Variants in ZNF185 observed in about 807,000 individuals in gnomAD.
ZNF185 encodes the protein zinc finger protein 185 with LIM domain.
A neutral mutation model predicts 58.6 loss-of-function variants in ZNF185; 56 were observed. The ratio of observed to expected loss-of-function variants is 0.95; its 90% confidence interval spans 0.77 to 1.19. ZNF185 has a LOEUF of 1.19. Among genes scored for constraint, ZNF185 ranks in the 50% most tolerant of loss-of-function variants. ZNF185 has a pLI of 0.00. For synonymous variants in ZNF185, 230 were observed against 215.9 expected, an observed-to-expected ratio of 1.07 and a Z score of -0.57; for missense variants, 627 against 573.5, an observed-to-expected ratio of 1.09 and a Z score of -0.95.
intron 16 of ZNF185, among the ~76,000 whole-genome samples, chrX:152,952,016 G>A (rs1407622730): frequency 2.7e-5 from 3 of 112,143 alleles, no homozygotes; most frequent in Non-Finnish European, 5.6e-5. Flanking sequence ...AAGTTTGCCA[G>A]AATAATGACT....
At chrX:152,965,386 C>G in intron 18 of ZNF185, 61 bp from the exon 21 acceptor site, 5 of 1,081,211 alleles carry the variant, frequency 4.6e-6, no homozygotes, top group Non-Finnish European at 1.3e-6. Flanking sequence ...TCCTGTGGGC[C>G]AGGCCTGGTT....
chrX:152,948,141 C>T (rs890054939), intron 16 of ZNF185, among the ~76,000 whole-genome samples: 2 of 111,882 alleles, frequency 1.8e-5, no homozygotes, highest in Admixed American at 9.5e-5. Flanking sequence ...GCTGAGCTAA[C>T]TTTCCAGTGC....
At chrX:152,925,077 G>A (rs1343180258) in intron 11 of ZNF185, among the ~76,000 whole-genome samples, 2 of 112,628 alleles carry the variant, frequency 1.8e-5, no homozygotes, top group Non-Finnish European at 3.8e-5. Context: ...AGGATGGCTT[G>A]AAGCCAGGAG....
At chrX:152,913,820 T>A (rs998220664), upstream of ZNF185, among the ~76,000 whole-genome samples, 1 of 112,221 alleles carries the variant, frequency 8.9e-6, no homozygotes, top group African/African-American at 3.2e-5. Flanking sequence ...CGGGTACTTA[T>A]AGGAGCATCG....
chrX:152,965,858 C>G (rs1556914326), intron 19 of ZNF185, among the ~76,000 whole-genome samples: 3 of 110,339 alleles, frequency 2.7e-5, no homozygotes, highest in African/African-American at 9.9e-5. Flanking sequence ...ACTAGCTCAT[C>G]CTATTTCTTT....
intron 14 of ZNF185, chrX:152,936,494 C>T: frequency 8.6e-7 from 1 of 1,166,291 alleles, no homozygotes; most frequent in South Asian, 1.9e-5. Flanking sequence ...GTCCTGCAAG[C>T]CTAGACCAGC....
intron 12 of ZNF185, 116 bp from the exon 14 acceptor site, chrX:152,931,556 C>T: frequency 1.7e-6 from 1 of 583,377 alleles, no homozygotes; most frequent in Non-Finnish European, 2.6e-6. Context: ...CTGCACCCGG[C>T]CCAGTAGCAG....
intron 5 of ZNF185, 110 bp from the exon 7 acceptor site, chrX:152,917,955 G>T (rs890345934): frequency 3.4e-4 from 379 of 1,127,279 alleles, no homozygotes; most frequent in Non-Finnish European, 4.2e-4. Context: ...AAGAGGAAAG[G>T]CTCCCAGGCA....
intron 14 of ZNF185, among the ~76,000 whole-genome samples, chrX:152,935,523 A>G (rs979619051): frequency 2.7e-5 from 3 of 112,727 alleles, no homozygotes; most frequent in East Asian, 2.8e-4. Flanking sequence ...GGCGTGAGCC[A>G]TCGCGTCCTG....
At chrX:152,953,149 C>G (rs2048461062) in intron 16 of ZNF185, among the ~76,000 whole-genome samples, 1 of 111,219 alleles carries the variant, frequency 9.0e-6, no homozygotes, top group Non-Finnish European at 1.9e-5. Context: ...ACAAAAGAGC[C>G]AGGAATTTGG....
intron 20 of ZNF185, among the ~76,000 whole-genome samples, chrX:152,968,507 G>T (rs1189909479): frequency 1.8e-5 from 2 of 112,651 alleles, no homozygotes; most frequent in Non-Finnish European, 3.8e-5. Context: ...GGTGCTGCTG[G>T]TGGTGAAAGA....
chrX:152,941,768 G>T, intron 15 of ZNF185: 2 of 1,163,168 alleles, frequency 1.7e-6, no homozygotes, highest in East Asian at 3.3e-5. Context: ...TGCCCGTGCC[G>T]GCCGCCAGAG....
chrX:152,919,115 G>A (rs781897238), intron 7 of ZNF185, 34 bp downstream of exon 8: 17 of 1,101,035 alleles, frequency 1.5e-5, no homozygotes, highest in Non-Finnish European at 2.1e-5. Context: ...CATCCCGGGG[G>A]GCAGGGCAGG....
chrX:152,907,742 T>C, the ZNF185 span, among the ~76,000 whole-genome samples: 1 of 112,830 alleles, frequency 8.9e-6, no homozygotes, highest in Non-Finnish European at 1.9e-5. Context: ...AGGGGTACTG[T>C]GGAGTGTGGC....
At chrX:152,925,143 A>T (rs964763041) in intron 11 of ZNF185, among the ~76,000 whole-genome samples, 3 of 112,115 alleles carry the variant, frequency 2.7e-5, no homozygotes, top group Non-Finnish European at 3.8e-5. Flanking sequence ...AAAATAAAAA[A>T]TAAAAATTAA....
chrX:152,936,325 C>G (rs1490195412), intron 14 of ZNF185, 93 bp from the exon 16 acceptor site: 3 of 739,605 alleles, frequency 4.1e-6, no homozygotes, highest in Non-Finnish European at 6.0e-6. Flanking sequence ...TGGTCCTCAT[C>G]ATCTGTGGGG....
At chrX:152,903,388 C>CAAAAAAA in the ZNF185 span, among the ~76,000 whole-genome samples, 19 of 35,854 alleles carry the variant, frequency 5.3e-4, no homozygotes, top group African/African-American at 1.7e-3. Flanking sequence ...AGACTCGTCT[C>CAAAAAAA]AAAAAAAAAA....
chrX:152,973,478 G>A lies in ZNF185; in HGVS notation c.*2205G>A, dbSNP rs2050764088. On this transcript the variant is annotated 3_prime_UTR_variant, in exon 23 of 23. Coordinates refer to ENST00000449285, the Ensembl canonical transcript of ZNF185. ...TAATAAATGGTAAGATATCACATGTGTCAGTGTTAAAGTTTTCTTTTGAAG... is the reference window on the plus strand; with the variant it reads ...TAATAAATGGTAAGATATCACATGTATCAGTGTTAAAGTTTTCTTTTGAAG... 1 of 112,575 alleles carries A rather than the reference G, an allele frequency of 8.9e-6. No individual in the cohort carries two copies. The highest frequency in any genetic ancestry group is 3.2e-5 in the African/African-American group (1 of 30,924). The allele number at this position is 112,575 out of a possible 1,213,427, so 9.3% of individuals were successfully genotyped here.
chrX:152,938,249 T>C, intron 15 of ZNF185, 86 bp downstream of exon 17: 1 of 957,593 alleles, frequency 1.0e-6, no homozygotes, highest in Non-Finnish European at 1.4e-6. Context: ...GCTGGGAAGG[T>C]GAGGCCAGCA....
Sources: allele counts gnomAD v4.1 joint callset (sites outside exome capture counted in the v4.1 genomes callset), GRCh38; gene constraint gnomAD v4.1.1; transcripts MANE v1.5; gene names NCBI Gene and HGNC (gene_info 2026-07-23, HGNC 2026-07-21).